Variants in GDPD5 observed in about 807,000 individuals in gnomAD.
GDPD5 encodes glycerophosphodiester phosphodiesterase domain containing 5, also known as glycerophosphodiester phosphodiesterase 2.
GDPD5 carries 48 observed loss-of-function variants against 75.1 expected under a neutral mutation model. The observed-to-expected ratio is 0.64, with a 90% CI of 0.51 to 0.81. The LOEUF is 0.81. GDPD5 is among the 40% of genes least tolerant of loss of function. GDPD5 has a pLI of 0.00. For missense variants in GDPD5, 706 were observed against 822.6 expected (o/e 0.86, Z 1.73); for synonymous variants, 336 against 339.0 (o/e 0.99, Z 0.10).
chr11:75,441,129 C>T (rs1237896774), intron 14 of GDPD5, 34 bp downstream of exon 14: 3 of 1,608,028 alleles, frequency 1.9e-6, no homozygotes, highest in Non-Finnish European at 2.6e-6. Flanking sequence ...AGCTCCAGCA[C>T]TGCCCCCCAG....
rs1949443820 is a variant in GDPD5 at position 75,462,866 on chromosome 11, G to A, written c.141C>T (p.Leu47=). The change falls in exon 4 of 17, where the codon CTC becomes CTT. Residue 47 remains leucine (L), a synonymous_variant. Coordinates refer to ENST00000336898, the MANE Select transcript of GDPD5 (RefSeq NM_030792.8). ...GCGTGAGGCCAAAGGTGAAGGTGAG[G>A]AGCAGGAACCAGAGGCGCTCCCACT... ...TTPWERLWFL[L]LTFTFGLTLT... 6.2e-7 allele frequency: 1 copy of A among 1,614,054 alleles called. No individual in the cohort carries two copies.
At chr11:75,461,117 G>A (rs564593872) in intron 4 of GDPD5, among the ~76,000 whole-genome samples, 2 of 152,166 alleles carry the variant, frequency 1.3e-5, no homozygotes, top group South Asian at 4.2e-4. Flanking sequence ...AACTGGTTGT[G>A]TGACCATGAA....
In GDPD5 at chr11:75,435,542, G is replaced by A. The variant is rs372960103; in HGVS notation, c.1783C>T (p.His595Tyr). 13 of 1,612,710 alleles carry A rather than the reference G, an allele frequency of 8.1e-6. No homozygotes were observed. In the African/African-American group the frequency reaches 1.2e-4, roughly 15 times the overall value. ...TPVGPRGGGS[H>Y]TKTLIERSGR is the part of the protein sequence containing the mutation. ...CTCCGCTCTATGAGGGTCTTGGTGT[G>A]GCTGCCACCCCCTCGGGGGCCCACA... is the stretch of plus-strand genomic sequence containing the variant. The change falls in exon 17 of 17, where the codon CAC becomes TAC. Residue 595 changes from histidine (H) to tyrosine (Y), a missense_variant. By Grantham distance (83) the His-to-Tyr change is moderately conservative (BLOSUM62 2). Coordinates refer to ENST00000336898, the MANE Select transcript of GDPD5 (RefSeq NM_030792.8).
At chr11:75,436,491 C>T (rs1034240040) in intron 16 of GDPD5, among the ~76,000 whole-genome samples, 1 of 144,196 alleles carries the variant, frequency 6.9e-6, no homozygotes, top group Non-Finnish European at 1.5e-5. Flanking sequence ...CCCGGCACTC[C>T]CATCGCAGGA....
At chr11:75,442,282 G>T in intron 12 of GDPD5, 81 bp downstream of exon 12, 1 of 1,063,820 alleles carries the variant, frequency 9.4e-7, no homozygotes, top group Non-Finnish European at 1.3e-6. Flanking sequence ...AGTCCGGAGT[G>T]CAACAGGGAA....
intron 1 of GDPD5, among the ~76,000 whole-genome samples, chr11:75,506,157 A>G (rs1014192900): frequency 2.6e-5 from 4 of 152,172 alleles, no homozygotes; most frequent in Non-Finnish European, 5.9e-5. Context: ...GGCACTCAAT[A>G]AAAGGTTGCC....
intron 13 of GDPD5, 149 bp from the exon 14 acceptor site, chr11:75,441,459 G>T: frequency 8.5e-7 from 1 of 1,178,788 alleles, no homozygotes; most frequent in Non-Finnish European, 1.2e-6. Flanking sequence ...TCCGGGACAA[G>T]CCCGGGTCTG....
chr11:75,459,985 C>T (rs1239635293), intron 4 of GDPD5, among the ~76,000 whole-genome samples: 3 of 152,200 alleles, frequency 2.0e-5, no homozygotes, highest in African/African-American at 7.2e-5. Context: ...CCGGGAGGAA[C>T]CCATGGGGCA....
intron 3 of GDPD5, among the ~76,000 whole-genome samples, chr11:75,475,116 T>A (rs1949751318): frequency 6.6e-6 from 1 of 152,202 alleles, no homozygotes; most frequent in South Asian, 2.1e-4. Flanking sequence ...ACTCAATAAA[T>A]GTTAACAGAT....
chr11:75,476,527 C>T (rs769448944), intron 3 of GDPD5, among the ~76,000 whole-genome samples: 16 of 152,078 alleles, frequency 1.1e-4, no homozygotes, highest in Non-Finnish European at 2.4e-4. Context: ...TCTCAGAGGG[C>T]TTCCCAGCAG....
At chr11:75,512,576 C>G (rs190387377) in intron 1 of GDPD5, among the ~76,000 whole-genome samples, 1 of 152,270 alleles carries the variant, frequency 6.6e-6, no homozygotes, top group African/African-American at 2.4e-5. Context: ...GCAAAGGTTT[C>G]CAACCAAAAC....
chr11:75,459,345 T>C (rs1178673061), intron 4 of GDPD5, among the ~76,000 whole-genome samples: 9 of 151,824 alleles, frequency 5.9e-5, no homozygotes, highest in Non-Finnish European at 1.2e-4. Context: ...TTTTTTTTTT[T>C]TTTTTTTGAG....
rs1220368173 is a variant in GDPD5 at position 75,444,495 on chromosome 11, G to A, written c.715C>T (p.Leu239=). ...ALIGHRGAPM[L]APEHTLMSFR... ...GACATGAGCGTGTGCTCTGGAGCCA[G>A]CTGGGGAAGAAGGGGTGGTGAAGGG... is the stretch of plus-strand genomic sequence containing the variant. The change falls in exon 10 of 17, where the codon CTG becomes TTG. Residue 239 remains leucine, a splice_region_variant and synonymous_variant. Transcript: ENST00000336898. The A allele has an allele frequency of 5.6e-6, 9 of 1,612,574 alleles. No individual in the cohort carries two copies. Among genetic ancestry groups the A allele is most frequent in the Non-Finnish European group, 7.6e-6 (9 of 1,179,044 alleles).
At chr11:75,503,445 G>A (rs1035177106) in intron 1 of GDPD5, among the ~76,000 whole-genome samples, 2 of 152,224 alleles carry the variant, frequency 1.3e-5, no homozygotes, top group Non-Finnish European at 2.9e-5. Context: ...GAGGCAGAGA[G>A]GCTAAGCAAC....
intron 1 of GDPD5, chr11:75,508,222 G>A (rs1201478499): frequency 1.3e-5 from 2 of 152,224 alleles, no homozygotes; most frequent in East Asian, 1.9e-4. Flanking sequence ...ACGTGTCTAA[G>A]CTGCACTGAT....
intron 16 of GDPD5, among the ~76,000 whole-genome samples, chr11:75,436,415 G>T (rs913180912): frequency 1.3e-5 from 2 of 152,218 alleles, no homozygotes; most frequent in African/African-American, 4.8e-5. Context: ...CCCCATCTCA[G>T]TGTATCAGGC....
intron 1 of GDPD5, among the ~76,000 whole-genome samples, chr11:75,524,073 G>A (rs1186435646): frequency 6.6e-6 from 1 of 152,210 alleles, no homozygotes; most frequent in African/African-American, 2.4e-5. Flanking sequence ...TGCCTTGGGG[G>A]CAGCAGAAGC....
intron 14 of GDPD5, 56 bp from the exon 15 acceptor site, chr11:75,440,017 T>C: frequency 2.9e-6 from 4 of 1,397,062 alleles, no homozygotes; most frequent in South Asian, 1.2e-5. Flanking sequence ...AGACTGAGGC[T>C]CCAGACTGAG....
intron 1 of GDPD5, among the ~76,000 whole-genome samples, chr11:75,496,779 C>CTTTTTTTTTTTTTT (rs544914858): frequency 1.6e-4 from 17 of 103,114 alleles, no homozygotes; most frequent in Non-Finnish European, 1.8e-4. Flanking sequence ...TTCTTTCTTT[C>CTTTTTTTTTTTTTT]TTTTTTTTTT....
Sources: gnomAD v4.1 joint callset for allele counts (sites outside exome capture counted in the v4.1 genomes callset) on GRCh38, gnomAD v4.1.1 for gene constraint, MANE v1.5 for transcripts, NCBI Gene and HGNC (gene_info 2026-07-23, HGNC 2026-07-21) for gene names.